The following COL21A1 variants were observed in gnomAD, a reference collection of about 807,000 sequenced individuals.
The protein encoded by COL21A1 is collagen type XXI alpha 1 chain.
Under a neutral mutation model 137.9 loss-of-function variants are expected in COL21A1, and 149 were observed. That is an observed-to-expected ratio of 1.08 (90% CI 0.95 to 1.24). The LOEUF is 1.24. COL21A1 is among the 50% of genes most tolerant of loss of function. The probability of loss-of-function intolerance (pLI) is 0.00; values close to 1 mark genes in which losing one functional copy is unlikely to be tolerated. For synonymous variants in COL21A1, 456 were observed against 391.5 expected (o/e 1.16, Z -1.95); for missense variants, 1,167 against 1,158.4 (o/e 1.01, Z -0.11).
At chr6:56,312,675 A>G (rs1764639274) in intron 1 of COL21A1, among the ~76,000 whole-genome samples, 1 of 151,740 alleles carries the variant, frequency 6.6e-6, no homozygotes, top group Non-Finnish European at 1.5e-5. Context: ...GGAATGAAAG[A>G]AAAAAGCTAT....
At chr6:56,223,765 A>C (rs1016201852) in intron 1 of COL21A1, among the ~76,000 whole-genome samples, 5 of 152,158 alleles carry the variant, frequency 3.3e-5, no homozygotes, top group Non-Finnish European at 7.4e-5. Context: ...TGCCAGAGTA[A>C]CAAAATGTGC....
chr6:56,092,590 T>C (rs899748960), intron 17 of COL21A1, among the ~76,000 whole-genome samples: 1 of 152,210 alleles, frequency 6.6e-6, no homozygotes, highest in Non-Finnish European at 1.5e-5. Flanking sequence ...TGAAGAGTCT[T>C]GCTTTCAAAT....
chr6:56,333,163 C>T (rs62412405), intron 1 of COL21A1, among the ~76,000 whole-genome samples: 11,243 of 151,682 alleles, frequency 0.074, 462 homozygotes, highest in African/African-American at 0.12. Context: ...TTAAAGAATG[C>T]AATTTGATAA....
intron 1 of COL21A1, among the ~76,000 whole-genome samples, chr6:56,348,043 A>G (rs1181220929): frequency 1.3e-5 from 2 of 152,184 alleles, no homozygotes; most frequent in African/African-American, 4.8e-5. Context: ...ACCAGCATAT[A>G]CAGAGGAGGA....
chr6:56,092,393 T>C (rs912855585), intron 17 of COL21A1, among the ~76,000 whole-genome samples: 1 of 152,190 alleles, frequency 6.6e-6, no homozygotes. Context: ...TTAACTATTA[T>C]ATATAGCACA....
intron 1 of COL21A1, among the ~76,000 whole-genome samples, chr6:56,205,231 C>T (rs1404956888): frequency 6.6e-6 from 1 of 151,994 alleles, no homozygotes; most frequent in Non-Finnish European, 1.5e-5. Context: ...AAGCTAAGAA[C>T]CTTGAAAAAA....
intron 1 of COL21A1, among the ~76,000 whole-genome samples, chr6:56,322,167 T>C (rs1192396059): frequency 6.6e-6 from 1 of 152,090 alleles, no homozygotes; most frequent in African/African-American, 2.4e-5. Context: ...GGCGAAACCA[T>C]TGCATCTGAG....
intron 1 of COL21A1, among the ~76,000 whole-genome samples, chr6:56,347,517 T>TTTA (rs1554184704): frequency 7.9e-6 from 1 of 127,182 alleles, no homozygotes. Flanking sequence ...AGGAAGCATT[T>TTTA]AAAAAAAAAA....
intron 1 of COL21A1, among the ~76,000 whole-genome samples, chr6:56,290,747 G>A (rs1179499152): frequency 6.6e-6 from 1 of 152,006 alleles, no homozygotes; most frequent in Admixed American, 6.6e-5. Context: ...TGATCCACCC[G>A]CCTCAGCCTC....
intron 1 of COL21A1, among the ~76,000 whole-genome samples, chr6:56,393,744 G>A (rs902937675): frequency 3.3e-5 from 5 of 152,156 alleles, no homozygotes; most frequent in East Asian, 1.9e-4. Context: ...GTAGAAAATT[G>A]CCAGTCCCCA....
intron 1 of COL21A1, among the ~76,000 whole-genome samples, chr6:56,381,350 C>A (rs1562079706): frequency 6.6e-6 from 1 of 152,274 alleles, no homozygotes; most frequent in East Asian, 1.9e-4. Context: ...ATATTACCTG[C>A]CATCTGGTTT....
At position 56,369,982 on chromosome 6, in the gene COL21A1, G is replaced by T. The variant is rs147080680; in HGVS notation, c.-39+23989C>A. ...AGTATCATACAAAACAGTTTATGTT[G>T]AATGGTTGTAATTATTCAAAAATAT... On this transcript the variant is annotated intron_variant, in intron 1 of 28. Transcript: ENST00000370819. Among the ~76,000 whole-genome samples, 22 of 152,276 alleles carry T rather than the reference G, an allele frequency of 1.4e-4. No homozygotes were observed. In the East Asian group the frequency reaches 2.5e-3, roughly 17 times the overall value.
At chr6:56,192,329 CA>C (rs1339516321) in intron 1 of COL21A1, among the ~76,000 whole-genome samples, 1 of 152,054 alleles carries the variant, frequency 6.6e-6, no homozygotes, top group Non-Finnish European at 1.5e-5. Flanking sequence ...GCAATGGCAA[CA>C]AATGCTAAAA....
chr6:56,104,264 TC>T (rs1429871893), intron 16 of COL21A1, among the ~76,000 whole-genome samples: 1 of 152,174 alleles, frequency 6.6e-6, no homozygotes, highest in African/African-American at 2.4e-5. Context: ...TCTTTATTCT[TC>T]AATGTTCTAT....
At chr6:56,332,786 C>G (rs1446715479) in intron 1 of COL21A1, among the ~76,000 whole-genome samples, 1 of 151,948 alleles carries the variant, frequency 6.6e-6, no homozygotes, top group African/African-American at 2.4e-5. Context: ...ATAAAAACTT[C>G]TAAATGTTTC....
chr6:56,323,929 TA>T (rs778661995), intron 1 of COL21A1, among the ~76,000 whole-genome samples: 24 of 152,112 alleles, frequency 1.6e-4, no homozygotes, highest in East Asian at 5.8e-4. Context: ...GCAGCCTGAC[TA>T]ACGCTTGGTC....
chr6:56,324,510 T>A (rs1289080885), intron 1 of COL21A1, among the ~76,000 whole-genome samples: 3 of 152,028 alleles, frequency 2.0e-5, no homozygotes, highest in African/African-American at 2.4e-5. Context: ...AACATCCCCC[T>A]CTGACCCTCT....
chr6:56,311,203 A>G (rs1158474500), intron 1 of COL21A1, among the ~76,000 whole-genome samples: 3 of 152,236 alleles, frequency 2.0e-5, no homozygotes, highest in Non-Finnish European at 2.9e-5. Flanking sequence ...GATAGTGAGT[A>G]AATAGCATAA....
intron 17 of COL21A1, among the ~76,000 whole-genome samples, chr6:56,078,747 A>G (rs1767464824): frequency 6.6e-6 from 1 of 151,812 alleles, no homozygotes; most frequent in Admixed American, 6.6e-5. Flanking sequence ...GTTTGATTCT[A>G]TTCAGCTCAA....
Sources: gnomAD v4.1 joint callset for allele counts (sites outside exome capture counted in the v4.1 genomes callset) on GRCh38, gnomAD v4.1.1 for gene constraint, MANE v1.5 for transcripts, NCBI Gene and HGNC (gene_info 2026-07-23, HGNC 2026-07-21) for gene names.